Variants in LIMS1 observed in about 807,000 individuals in gnomAD.
LIMS1 encodes the protein LIM zinc finger domain containing 1.
Under a neutral mutation model 44.1 loss-of-function variants are expected in LIMS1, and 18 were observed. The observed-to-expected ratio is 0.41, with a 90% CI of 0.28 to 0.61. The LOEUF (loss-of-function observed/expected upper bound fraction) is 0.61, where lower values mean the gene tolerates loss of function less well. Among genes scored for constraint, LIMS1 ranks in the 20% least tolerant of loss-of-function variants. The pLI, the probability that LIMS1 is intolerant of heterozygous loss-of-function variation, is 0.32. For synonymous variants in LIMS1, 93 were observed against 149.1 expected, an observed-to-expected ratio of 0.62 and a Z score of 2.74; for missense variants, 201 against 422.0, an observed-to-expected ratio of 0.48 and a Z score of 4.59.
At chr2:108,584,984 C>T (rs915418993) in intron 1 of LIMS1, among the ~76,000 whole-genome samples, 1 of 151,860 alleles carries the variant, frequency 6.6e-6, no homozygotes, top group Non-Finnish European at 1.5e-5. Context: ...AACCCTGTCT[C>T]TACCAAAAAT....
chr2:108,652,208 A>G (rs1285379321), intron 1 of LIMS1, among the ~76,000 whole-genome samples: 3 of 152,070 alleles, frequency 2.0e-5, no homozygotes, highest in Non-Finnish European at 2.9e-5. Flanking sequence ...ACTGTTGGGC[A>G]TTTATCCCAG....
chr2:108,647,889 T>C (rs568505651), intron 1 of LIMS1, among the ~76,000 whole-genome samples: 1 of 152,322 alleles, frequency 6.6e-6, no homozygotes, highest in Non-Finnish European at 1.5e-5. Context: ...AAGCAATCCC[T>C]TTAAAAAACC....
chr2:108,620,590 A>G (rs1192675507), intron 1 of LIMS1, among the ~76,000 whole-genome samples: 1 of 152,220 alleles, frequency 6.6e-6, no homozygotes, highest in African/African-American at 2.4e-5. Context: ...AGATAAATAC[A>G]GGGTATATAG....
At chr2:108,575,194 C>G (rs965409232) in intron 1 of LIMS1, among the ~76,000 whole-genome samples, 1 of 151,840 alleles carries the variant, frequency 6.6e-6, no homozygotes, top group Non-Finnish European at 1.5e-5. Flanking sequence ...TTTGTTTAAT[C>G]ATTTGTAACT....
chr2:108,583,012 A>G (rs993370797), intron 1 of LIMS1, among the ~76,000 whole-genome samples: 1 of 151,942 alleles, frequency 6.6e-6, no homozygotes, highest in Admixed American at 6.6e-5. Flanking sequence ...AGAATATATT[A>G]AAAAGGGGTG....
chr2:108,612,027 T>TACACACAC (rs1171142390), intron 1 of LIMS1, among the ~76,000 whole-genome samples: 1 of 57,710 alleles, frequency 1.7e-5, no homozygotes, highest in African/African-American at 6.4e-5. Flanking sequence ...TACACACACA[T>TACACACAC]ATACACACAC....
At chr2:108,645,679 A>G (rs1690010531) in intron 1 of LIMS1, among the ~76,000 whole-genome samples, 2 of 152,194 alleles carry the variant, frequency 1.3e-5, no homozygotes, top group South Asian at 2.1e-4. Context: ...AAATGCCCCA[A>G]TTAAAAGACA....
At chr2:108,662,508 A>G (rs781211779) in intron 2 of LIMS1, 4 of 1,334,078 alleles carry the variant, frequency 3.0e-6, no homozygotes, top group Non-Finnish European at 4.0e-6. Flanking sequence ...TGCCCAGTTC[A>G]AGATCTGTTG....
At chr2:108,594,560 G>C (rs1686568523) in intron 1 of LIMS1, among the ~76,000 whole-genome samples, 1 of 152,100 alleles carries the variant, frequency 6.6e-6, no homozygotes, top group South Asian at 2.1e-4. Flanking sequence ...TTTCTACTGA[G>C]CGTATTCAAT....
At chr2:108,613,442 TG>T (rs2148856702) in intron 1 of LIMS1, among the ~76,000 whole-genome samples, 1 of 152,292 alleles carries the variant, frequency 6.6e-6, no homozygotes, top group African/African-American at 2.4e-5. Context: ...GTTAGCAGTG[TG>T]GGTGCTTCCT....
rs1387582462 is a variant in LIMS1, at chr2:108,596,927, T to G, written c.32+62333T>G. ...CTACGAAACATCTGTTTTTTTTTTT[T>G]TTTTTTTTTTTGAGTCTTGCTCTGT... On this transcript the variant is annotated intron_variant, in intron 1 of 9. Transcript: ENST00000544547. Among the ~76,000 whole-genome samples, 22 of 142,652 alleles carry G rather than the reference T, an allele frequency of 1.5e-4. 2 individuals are homozygous for G. Among genetic ancestry groups the G allele is most frequent in the South Asian group, 7.2e-4 (3 of 4,162 alleles). The allele number at this position is 142,652 out of a possible 152,430, so 93.6% of individuals were successfully genotyped here. A position where few individuals can be genotyped will look rare whatever the true frequency, so the allele number is the denominator to read the frequency against.
At chr2:108,606,591 C>A (rs1687278291) in intron 1 of LIMS1, among the ~76,000 whole-genome samples, 1 of 152,204 alleles carries the variant, frequency 6.6e-6, no homozygotes, top group African/African-American at 2.4e-5. Context: ...TTCTTAGGTA[C>A]CTACTGTTGC....
At chr2:108,669,405 GAAAAA>G (rs111827506) in intron 2 of LIMS1, among the ~76,000 whole-genome samples, 1 of 145,386 alleles carries the variant, frequency 6.9e-6, no homozygotes, top group African/African-American at 2.5e-5. Context: ...GAGACTCTGG[GAAAAA>G]AAAAAAAGTT....
intron 1 of LIMS1, among the ~76,000 whole-genome samples, chr2:108,569,269 T>C (rs968302526): frequency 6.6e-6 from 1 of 152,220 alleles, no homozygotes; most frequent in Non-Finnish European, 1.5e-5. Flanking sequence ...TTTGCAAATA[T>C]TTTCTCCTGT....
chr2:108,541,793 G>T (rs1280845936), intron 1 of LIMS1, among the ~76,000 whole-genome samples: 2 of 152,108 alleles, frequency 1.3e-5, no homozygotes, highest in Non-Finnish European at 1.5e-5. Context: ...CAAAATTGCC[G>T]CTTCTCTCAT....
At chr2:108,624,551 G>A (rs1241795767) in intron 1 of LIMS1, among the ~76,000 whole-genome samples, 1 of 152,000 alleles carries the variant, frequency 6.6e-6, no homozygotes, top group African/African-American at 2.4e-5. Flanking sequence ...GAGGTCAGAA[G>A]TTCAAGACCA....
chr2:108,602,198 G>T (rs1416583880), intron 1 of LIMS1, among the ~76,000 whole-genome samples: 2 of 152,098 alleles, frequency 1.3e-5, no homozygotes, highest in African/African-American at 4.8e-5. Context: ...TAGTTTTTTG[G>T]TGAAGTCCTT....
intron 2 of LIMS1, 62 bp from the exon 3 acceptor site, chr2:108,670,719 A>G (rs1692107548): frequency 6.2e-7 from 1 of 1,607,598 alleles, no homozygotes. Context: ...ATCTTCATCA[A>G]ATAATTATAT....
chr2:108,534,367 C>T (rs1218211764), exon 1 of LIMS1: 2 of 269,934 alleles, frequency 7.4e-6, no homozygotes, highest in East Asian at 6.7e-5. Flanking sequence ...CCGCTCCCGC[C>T]CCTCCCCCGC....
Sources: allele counts gnomAD v4.1 joint callset (sites outside exome capture counted in the v4.1 genomes callset), GRCh38; gene constraint gnomAD v4.1.1; transcripts MANE v1.5; gene names NCBI Gene and HGNC (gene_info 2026-07-23, HGNC 2026-07-21).